Variants in GLI2 observed in about 807,000 individuals in gnomAD.
GLI2 encodes transcription activator GLI2.
Under a neutral mutation model 78.9 loss-of-function variants are expected in GLI2, and 22 were observed. That is an observed-to-expected ratio of 0.28 (90% CI 0.20 to 0.40). The LOEUF (loss-of-function observed/expected upper bound fraction) is 0.40, where lower values mean the gene tolerates loss of function less well. Ranked by LOEUF, GLI2 falls within the 10% of genes least tolerant of loss-of-function variation. The pLI, the probability that GLI2 is intolerant of heterozygous loss-of-function variation, is 1.00. For missense variants in GLI2, 2,097 were observed against 2,213.2 expected (o/e 0.95, Z 1.05); for synonymous variants, 974 against 963.7 (o/e 1.01, Z -0.20).
chr2:120,992,050 A>ACACACACACACACCCC lies in GLI2; in HGVS notation c.*1376_*1377insACACACACACACCCCC, dbSNP rs1553480327. Reference sequence around the variant, plus strand: ...CACACACACACACACACACACACACACCCCAAACCTTTTCATGGGGAATGT... The same window carrying ACACACACACACACCCC: ...CACACACACACACACACACACACACACACACACACACACCCCCCCCAAACCTTTTCATGGGGAATGT... On this transcript the variant is annotated 3_prime_UTR_variant, in exon 14 of 14. Transcript: ENST00000361492. The ACACACACACACACCCC allele has an allele frequency of 6.8e-6, 1 of 146,900 alleles. No individual in the cohort carries two copies. The highest frequency in any genetic ancestry group is 2.6e-5 in the African/African-American group (1 of 38,112). The allele number at this position is 146,900 out of a possible 1,614,324, so 9.1% of individuals were successfully genotyped here. A position where few individuals can be genotyped will look rare whatever the true frequency, so the allele number is the denominator to read the frequency against.
At chr2:120,908,086 A>G (rs1678633099) in intron 2 of GLI2, among the ~76,000 whole-genome samples, 1 of 152,172 alleles carries the variant, frequency 6.6e-6, no homozygotes. Flanking sequence ...GCCCTATTAT[A>G]GGTCATTAAA....
chr2:120,750,982 GCCAGAT>G (rs1335215517), intron 1 of GLI2, among the ~76,000 whole-genome samples: 1 of 152,262 alleles, frequency 6.6e-6, no homozygotes, highest in Admixed American at 6.5e-5. Flanking sequence ...GGGCCTTCCA[GCCAGAT>G]CCCTCCGGAA....
rs533276042 is a variant in GLI2 at position 120,922,744 on chromosome 2, G to A, written c.149-4617G>A. ...CCAGGACAGGAGGACCCACTAACAC[G>A]TGTTCCCAGGCTCCTCCTGGGGATT... On this transcript the variant is annotated intron_variant, in intron 2 of 13. Coordinates refer to ENST00000361492, the MANE Select transcript of GLI2 (RefSeq NM_001374353.1). 1.4e-4 allele frequency among the ~76,000 whole-genome samples: 21 copies of A among 152,210 alleles called. 1 individual carries two copies. In the South Asian group the frequency reaches 4.1e-3, roughly 30 times the overall value.
intron 2 of GLI2, among the ~76,000 whole-genome samples, chr2:120,894,045 A>G (rs898966068): frequency 1.3e-4 from 20 of 152,220 alleles, no homozygotes; most frequent in African/African-American, 3.6e-4. Flanking sequence ...ATGTTAATCA[A>G]TGCCGAAGGC....
intron 8 of GLI2, among the ~76,000 whole-genome samples, chr2:120,972,890 AGC>A (rs1403848691): frequency 7.9e-5 from 12 of 152,136 alleles, no homozygotes; most frequent in Admixed American, 7.9e-4. Context: ...GCATGCGGGC[AGC>A]CCCCACTCTG....
intron 1 of GLI2, among the ~76,000 whole-genome samples, chr2:120,753,099 T>TA: frequency 6.7e-6 from 1 of 149,054 alleles, no homozygotes; most frequent in Non-Finnish European, 1.5e-5. Flanking sequence ...ACGTATTTTT[T>TA]TTTTTTTTTT....
At chr2:120,828,841 G>A (rs1182432521) in intron 2 of GLI2, among the ~76,000 whole-genome samples, 1 of 136,452 alleles carries the variant, frequency 7.3e-6, no homozygotes, top group African/African-American at 2.7e-5. Flanking sequence ...ATTCTCTGCT[G>A]AGGCCGTGAC....
intron 2 of GLI2, among the ~76,000 whole-genome samples, chr2:120,926,072 C>CAAAAAA (rs35224973): frequency 6.3e-5 from 4 of 63,226 alleles, no homozygotes; most frequent in South Asian, 9.1e-4. Context: ...GACTCCGTCT[C>CAAAAAA]AAAAAAAAAA....
In GLI2 at chr2:120,898,048, G is replaced by C. The variant is rs185245689; in HGVS notation, c.149-29313G>C. Reference sequence around the variant, plus strand: ...TTGATACACTGTGATTTTCAGTGAAGGGGGACCACAGGTCCCCTTCACCTG... The same window carrying C: ...TTGATACACTGTGATTTTCAGTGAACGGGGACCACAGGTCCCCTTCACCTG... On this transcript the variant is annotated intron_variant, in intron 2 of 13. Transcript: ENST00000361492. Among the ~76,000 whole-genome samples, 4 of 152,094 alleles carry C rather than the reference G, an allele frequency of 2.6e-5. No individual in the cohort carries two copies. The East Asian group carries it at 7.8e-4, about 30-fold the overall frequency.
rs189195879 is a variant in GLI2, at chr2:120,975,539, A to G, written c.1317+430A>G. Reference sequence around the variant, plus strand: ...ATAATAAGTGAAAGAAGCTTCTCCCATGAAGGAAGGAGTTGATCCTTTCCT... The same window carrying G: ...ATAATAAGTGAAAGAAGCTTCTCCCGTGAAGGAAGGAGTTGATCCTTTCCT... On this transcript the variant is annotated intron_variant, in intron 9 of 13. Transcript: ENST00000361492. Among the ~76,000 whole-genome samples the G allele has an allele frequency of 9.9e-5, 15 of 152,280 alleles. No individual in the cohort carries two copies. The East Asian group carries it at 2.5e-3, about 25-fold the overall frequency.
intron 2 of GLI2, among the ~76,000 whole-genome samples, chr2:120,890,633 G>A (rs913871656): frequency 2.6e-5 from 4 of 152,132 alleles, no homozygotes; most frequent in Non-Finnish European, 5.9e-5. Flanking sequence ...TCATACACAG[G>A]ATGTCTTCCT....
intron 2 of GLI2, among the ~76,000 whole-genome samples, chr2:120,886,147 T>G (rs1334667889): frequency 6.7e-6 from 1 of 149,114 alleles, no homozygotes; most frequent in Non-Finnish European, 1.5e-5. Flanking sequence ...ACCCCTATTC[T>G]AATTTTTCCA....
rs1478150520 is a variant in GLI2, at chr2:120,955,405, C to G, written c.618C>G (p.Leu206=). ...QSGGAASAPH[L]HDYLNPVDVS... is the part of the protein sequence containing the mutation. The stretch of plus-strand genomic sequence containing the variant: ...GGGGCGCTGCCAGCGCACCCCATCT[C>G]CACGACTACCTCAACCCCGTGGACG... Residue 206 remains leucine (L), a synonymous_variant, in exon 5 of 14, where the codon CTC becomes CTG. Coordinates refer to ENST00000361492, the MANE Select transcript of GLI2 (RefSeq NM_001374353.1). 1.3e-5 allele frequency: 21 copies of G among 1,609,504 alleles called. No homozygotes were observed. The highest frequency in any genetic ancestry group is 1.8e-5 in the Non-Finnish European group (21 of 1,177,096).
chr2:120,818,202 T>G (rs1685594030), intron 2 of GLI2, among the ~76,000 whole-genome samples: 2 of 152,058 alleles, frequency 1.3e-5, no homozygotes, highest in Admixed American at 6.6e-5. Context: ...CCCCGAGGGG[T>G]GGCAGTGCCT....
At chr2:120,964,654 G>A (rs1681748137) in intron 5 of GLI2, among the ~76,000 whole-genome samples, 1 of 152,250 alleles carries the variant, frequency 6.6e-6, no homozygotes, top group Non-Finnish European at 1.5e-5. Flanking sequence ...AGGAAGAGCT[G>A]GTCCAGGCAC....
Position 120,984,468 on chromosome 2 carries a change from C to G in GLI2, c.1633-3C>G. ...CATGACACAGGCCTGCTTCTCTCCCCAGAAACCCTACATCTGCAAGATCCC... is the reference window on the plus strand; with the variant it reads ...CATGACACAGGCCTGCTTCTCTCCCGAGAAACCCTACATCTGCAAGATCCC... On this transcript the variant is annotated splice_region_variant and splice_polypyrimidine_tract_variant and intron_variant, in intron 11 of 13. Transcript: ENST00000361492. 6.2e-7 allele frequency: 1 copy of G among 1,614,144 alleles called. No homozygotes were observed. The highest frequency in any genetic ancestry group is 8.5e-7 in the Non-Finnish European group (1 of 1,179,978).
intron 3 of GLI2, among the ~76,000 whole-genome samples, chr2:120,933,464 C>T (rs1477775813): frequency 6.6e-6 from 1 of 152,140 alleles, no homozygotes; most frequent in African/African-American, 2.4e-5. Flanking sequence ...ATGGGGACAT[C>T]CCTAAGTCTC....
At chr2:120,768,126 G>A (rs1050890030) in intron 1 of GLI2, among the ~76,000 whole-genome samples, 6 of 152,240 alleles carry the variant, frequency 3.9e-5, no homozygotes, top group African/African-American at 1.4e-4. Flanking sequence ...AAAAGCTGCA[G>A]CATCTACCCT....
intron 2 of GLI2, among the ~76,000 whole-genome samples, chr2:120,831,943 C>G (rs1179632280): frequency 6.6e-6 from 1 of 152,204 alleles, no homozygotes; most frequent in Non-Finnish European, 1.5e-5. Context: ...AGTGGGATTA[C>G]CTACGCTGGA....
Sources: gnomAD v4.1 joint callset for allele counts (sites outside exome capture counted in the v4.1 genomes callset) on GRCh38, gnomAD v4.1.1 for gene constraint, MANE v1.5 for transcripts, NCBI Gene and HGNC (gene_info 2026-07-23, HGNC 2026-07-21) for gene names.